Variants in SETX observed in about 807,000 individuals in gnomAD.
The protein encoded by SETX is helicase senataxin.
Under a neutral mutation model 227.2 loss-of-function variants are expected in SETX, and 90 were observed. The ratio of observed to expected loss-of-function variants is 0.40; its 90% CI spans 0.33 to 0.47. SETX has a LOEUF of 0.47. Ranked by LOEUF, SETX falls within the 20% of genes least tolerant of loss-of-function variation. The pLI is 0.91. For synonymous variants in SETX, 1,210 were observed against 1,113.2 expected (o/e 1.09, Z -1.73); for missense variants, 3,052 against 3,181.5 (o/e 0.96, Z 0.98).
chr9:132,346,470 A>G lies in SETX; in HGVS notation c.179T>C (p.Val60Ala). Residue 60 changes from valine to alanine, a missense_variant and splice_region_variant, in exon 4 of 26, where the codon GTT (valine) becomes GCT (alanine). By Grantham distance (64) the Val-to-Ala change is moderately conservative. Transcript: ENST00000224140. ...ARDELPFLHE[V>A]LWELETLRLI... Reference sequence around the variant, plus strand: ...ACGTAAGGTTTCTAATTCCCATAAAACCTAGAGGAAAATAAAATGGGCAGT... The same window carrying G: ...ACGTAAGGTTTCTAATTCCCATAAAGCCTAGAGGAAAATAAAATGGGCAGT... 6.2e-7 allele frequency: 1 copy of G among 1,603,906 alleles called. No homozygotes were observed.
intron 11 of SETX, among the ~76,000 whole-genome samples, chr9:132,302,683 A>AAAAAAAAAAAAAAAAAAAAAAG (rs1845081955): frequency 1.3e-5 from 1 of 76,638 alleles, no homozygotes. Context: ...AAAAAAAGCA[A>AAAAAAAAAAAAAAAAAAAAAAG]AAAAAAAAAA....
At chr9:132,323,899 G>A (rs564970322) in intron 10 of SETX, among the ~76,000 whole-genome samples, 1 of 150,934 alleles carries the variant, frequency 6.6e-6, no homozygotes, top group Non-Finnish European at 1.5e-5. Flanking sequence ...GTGAGACCCT[G>A]TCTCCAAAAA....
Position 132,336,578 on chromosome 9 carries a change from C to T in SETX, c.499-63G>A, listed in dbSNP as rs960274172. On this transcript the variant is annotated intron_variant, in intron 5 of 25. Transcript: ENST00000224140. Reference sequence around the variant, plus strand: ...CAATGGTCTACAAACAGCAAGAACACAGAAAAGAAAACAGGATTCTCTGCA... The same window carrying T: ...CAATGGTCTACAAACAGCAAGAACATAGAAAAGAAAACAGGATTCTCTGCA... 2.3e-4 allele frequency: 268 copies of T among 1,183,736 alleles called. No individual in the cohort carries two copies. In the East Asian group the frequency reaches 6.2e-3, roughly 27 times the overall value. The allele number at this position is 1,183,736 out of a possible 1,614,324, so 73.3% of individuals were successfully genotyped here.
chr9:132,278,457 T>C (rs112554714), intron 20 of SETX, among the ~76,000 whole-genome samples, 200 bp from the exon 21 acceptor site: 1 of 85,208 alleles, frequency 1.2e-5, no homozygotes, highest in Admixed American at 1.2e-4. Flanking sequence ...TTTTTTTTTT[T>C]TTTTTTTTTT....
intron 11 of SETX, among the ~76,000 whole-genome samples, chr9:132,308,966 C>T (rs1054044829): frequency 1.3e-5 from 2 of 152,024 alleles, no homozygotes; most frequent in South Asian, 2.1e-4. Context: ...GGTGAAACCC[C>T]GTCTCCACTA....
At chr9:132,341,884 T>C (rs1216742130) in intron 5 of SETX, among the ~76,000 whole-genome samples, 2 of 152,180 alleles carry the variant, frequency 1.3e-5, no homozygotes, top group African/African-American at 4.8e-5. Context: ...TTCTGTTCCA[T>C]TGCTGGTCCA....
rs779324154 is a variant in SETX at position 132,336,331 on chromosome 9, A to G, written c.683T>C (p.Met228Thr). 3 of 1,613,874 alleles carry G rather than the reference A, an allele frequency of 1.9e-6. No homozygotes were observed. The highest frequency in any genetic ancestry group is 2.2e-5 in the East Asian group (1 of 44,886). Residue 228 changes from methionine to threonine, a missense_variant, in exon 6 of 26, where the codon ATG (methionine) becomes ACG (threonine). Around this residue, in one of 10 missense-constraint regions of SETX, gnomAD observed 239 missense variants for 240.8 expected, o/e 0.99. Transcript: ENST00000224140. The stretch of plus-strand genomic sequence containing the variant: ...GCTTTTGTAGTTGGTAGTATCATAC[A>G]TGTGTGAGGGCAGAAGAATCAGTTT... ...KGKLILLPSH[M>T]YDTTNYKSYW...
intron 6 of SETX, among the ~76,000 whole-genome samples, chr9:132,335,500 C>T (rs1187214644): frequency 7.0e-6 from 1 of 142,474 alleles, no homozygotes; most frequent in Non-Finnish European, 1.5e-5. Flanking sequence ...TTTTAGGAGA[C>T]AGGATCTCCC....
intron 15 of SETX, among the ~76,000 whole-genome samples, chr9:132,293,285 C>G (rs1844450617): frequency 6.6e-6 from 1 of 152,060 alleles, no homozygotes; most frequent in Non-Finnish European, 1.5e-5. Flanking sequence ...ACACAAAACC[C>G]AGAAGCATTA....
chr9:132,288,565 C>T lies in SETX; in HGVS notation c.6193G>A (p.Val2065Ile). Reference protein sequence around the residue: ...EVLKFSLDSQVNHRMKKELPS... With the variant: ...EVLKFSLDSQINHRMKKELPS... ...CAGTACTTACTCATTCTGTGGTTTA[C>T]TTGGCTGTCCAAACTGAACTTTAGA... The change falls in exon 16 of 26, where the codon GTA becomes ATA. Residue 2065 changes from valine to isoleucine, a missense_variant. This residue lies in a region of SETX where 412 missense variants were observed against 589.0 expected (regional missense o/e 0.70). Transcript: ENST00000224140. The T allele has an allele frequency of 6.2e-7, 1 of 1,613,076 alleles. No individual in the cohort carries two copies. The highest frequency in any genetic ancestry group is 1.1e-5 in the South Asian group (1 of 91,050).
At chr9:132,314,688 A>G (rs865931294) in intron 10 of SETX, among the ~76,000 whole-genome samples, 1 of 152,140 alleles carries the variant, frequency 6.6e-6, no homozygotes, top group East Asian at 1.9e-4. Flanking sequence ...CTTTTTTCCC[A>G]GTAACTAAGA....
Position 132,264,898 on chromosome 9 carries a change from C to A in SETX, c.7375G>T (p.Ala2459Ser), listed in dbSNP as rs1182285610. The change falls in exon 26 of 26, where the codon GCA becomes TCA. Residue 2459 changes from alanine (A) to serine (S), a missense_variant. Around this residue, in one of 10 missense-constraint regions of SETX, gnomAD observed 294 missense variants for 278.8 expected, o/e 1.05. Transcript: ENST00000224140. ...KTCDKNYRHD[A>S]VKILKLKPVL... ...GGCTTGAGTTTCAGAATCTTCACTG[C>A]ATCATGTCTATAGTTTTTGTCACAG... The A allele has an allele frequency of 6.2e-7, 1 of 1,614,026 alleles. No individual in the cohort carries two copies. The highest frequency in any genetic ancestry group is 1.3e-5 in the African/African-American group (1 of 74,924).
intron 12 of SETX, among the ~76,000 whole-genome samples, chr9:132,299,168 T>C (rs780285653): frequency 4.4e-4 from 67 of 152,228 alleles, no homozygotes; most frequent in Non-Finnish European, 5.1e-4. Flanking sequence ...GTAAGGATCA[T>C]GGATAACTCC....
At chr9:132,284,832 G>C (rs1038371411) in intron 18 of SETX, among the ~76,000 whole-genome samples, 3 of 151,602 alleles carry the variant, frequency 2.0e-5, no homozygotes, top group Admixed American at 6.6e-5. Context: ...GCTCATACAG[G>C]TGACTTTTTT....
intron 11 of SETX, among the ~76,000 whole-genome samples, chr9:132,302,437 ATC>A (rs1294393819): frequency 6.7e-6 from 1 of 150,252 alleles, no homozygotes; most frequent in African/African-American, 2.5e-5. Context: ...AGACGGGCGG[ATC>A]ACCTGAGGTC....
At chr9:132,267,801 C>T (rs1842718709) in intron 25 of SETX, among the ~76,000 whole-genome samples, 1 of 152,212 alleles carries the variant, frequency 6.6e-6, no homozygotes, top group Non-Finnish European at 1.5e-5. Context: ...CCCTACTTCC[C>T]ATGTCCTCCT....
chr9:132,283,579 A>G (rs1451294312), intron 18 of SETX, among the ~76,000 whole-genome samples, 166 bp from the exon 19 acceptor site: 5 of 152,264 alleles, frequency 3.3e-5, no homozygotes, highest in Non-Finnish European at 7.3e-5. Context: ...CAGCAGAAAC[A>G]TTTAAGATAA....
intron 12 of SETX, 123 bp downstream of exon 12, chr9:132,300,507 C>CAACATAGCAA (rs1844929864): frequency 1.9e-6 from 2 of 1,071,048 alleles, no homozygotes; most frequent in Non-Finnish European, 2.8e-6. Flanking sequence ...GCCATGTAAT[C>CAACATAGCAA]AACATAGCAA....
At chr9:132,297,170 G>A (rs936630839) in intron 13 of SETX, 116 bp from the exon 14 acceptor site, 1 of 854,716 alleles carries the variant, frequency 1.2e-6, no homozygotes, top group African/African-American at 1.8e-5. Flanking sequence ...AAAAGCTTTG[G>A]TTATGGTCAG....
Sources: allele counts gnomAD v4.1 joint callset (sites outside exome capture counted in the v4.1 genomes callset), GRCh38; gene constraint gnomAD v4.1.1; regional missense constraint gnomAD v4.1.1; transcripts MANE v1.5; gene names NCBI Gene and HGNC (gene_info 2026-07-23, HGNC 2026-07-21).